Variants in PTPRZ1 observed in about 807,000 individuals in gnomAD.
The protein encoded by PTPRZ1 is protein tyrosine phosphatase receptor type Z1.
A neutral mutation model predicts 214.1 loss-of-function variants in PTPRZ1; 82 were observed. That is an observed-to-expected ratio of 0.38 (90% CI 0.32 to 0.46). The LOEUF is 0.46. Ranked by LOEUF, PTPRZ1 falls within the 20% of genes least tolerant of loss-of-function variation. The pLI, the probability that PTPRZ1 is intolerant of heterozygous loss-of-function variation, is 1.00. For missense variants in PTPRZ1, 2,603 were observed against 2,748.7 expected, an observed-to-expected ratio of 0.95 and a Z score of 1.19; for synonymous variants, 945 against 987.9, an observed-to-expected ratio of 0.96 and a Z score of 0.81.
intron 8 of PTPRZ1, among the ~76,000 whole-genome samples, chr7:121,989,292 G>T (rs539433863): frequency 1.8e-3 from 279 of 151,808 alleles, no homozygotes; most frequent in Non-Finnish European, 3.2e-3. Context: ...ACTAGGACTT[G>T]CTGTTTCCAT....
At chr7:121,960,378 A>G (rs1796838729) in intron 2 of PTPRZ1, among the ~76,000 whole-genome samples, 1 of 152,332 alleles carries the variant, frequency 6.6e-6, no homozygotes, top group East Asian at 1.9e-4. Flanking sequence ...AACCTGGACT[A>G]CACAAGAAAT....
Position 122,013,583 on chromosome 7 carries a change from C to G in PTPRZ1, c.4537C>G (p.Gln1513Glu), listed in dbSNP as rs1428210958. 1.9e-6 allele frequency: 3 copies of G among 1,614,132 alleles called. No homozygotes were observed. Reference sequence around the variant, plus strand: ...ATCACCATCAGCAAATGGGCTATCCCAAAAGCACAATGATGGAAAAGAGGA... The same window carrying G: ...ATCACCATCAGCAAATGGGCTATCCGAAAAGCACAATGATGGAAAAGAGGA... ...GKSPSANGLS[Q>E]KHNDGKEEND... Residue 1513 changes from glutamine (Q) to glutamate (E), a missense_variant, in exon 12 of 30, where the codon CAA (glutamine) becomes GAA (glutamate). By Grantham distance (29) the Gln-to-Glu change is conservative. Transcript: ENST00000393386.
chr7:122,000,968 G>A (rs1798306123), intron 10 of PTPRZ1, among the ~76,000 whole-genome samples: 1 of 151,872 alleles, frequency 6.6e-6, no homozygotes, highest in Admixed American at 6.6e-5. Context: ...ACAGGCGTGA[G>A]CCACCGCACC....
At chr7:121,884,106 A>AT (rs139476068) in intron 1 of PTPRZ1, among the ~76,000 whole-genome samples, 35,273 of 152,104 alleles carry the variant, frequency 0.23, 4,270 homozygotes, top group East Asian at 0.34. Context: ...AAATATAGAC[A>AT]GTTGTGCTAT....
intron 2 of PTPRZ1, among the ~76,000 whole-genome samples, chr7:121,959,447 C>CA (rs1249385475): frequency 6.6e-6 from 1 of 152,196 alleles, no homozygotes; most frequent in Non-Finnish European, 1.5e-5. Context: ...GCCAAAAACA[C>CA]AAAAAGGCAC....
chr7:121,968,990 C>T (rs907360908), intron 3 of PTPRZ1, among the ~76,000 whole-genome samples: 8 of 152,174 alleles, frequency 5.3e-5, no homozygotes, highest in Admixed American at 5.2e-4. Flanking sequence ...GTGATCCCAG[C>T]ACTTCGGGAG....
In PTPRZ1 at chr7:121,873,503, C is replaced by G; in HGVS notation, c.4C>G (p.Arg2Gly). The G allele has an allele frequency of 6.2e-7, 1 of 1,613,934 alleles. No individual in the cohort carries two copies. Among genetic ancestry groups the G allele is most frequent in the Non-Finnish European group, 8.5e-7 (1 of 1,180,020 alleles). Residue 2 changes from arginine (R) to glycine (G), a missense_variant, in exon 1 of 30, where the codon CGA becomes GGA. By Grantham distance (125) the Arg-to-Gly change is moderately radical (BLOSUM62 -2). Transcript: ENST00000393386. ...AGGGGCCGCAGACCGTCTGGAAATG[C>G]GAATCCTAAAGCGTTTCCTCGCTTG... Reference protein sequence around the residue: MRILKRFLACIQ... With the variant: MGILKRFLACIQ...
intron 13 of PTPRZ1, among the ~76,000 whole-genome samples, chr7:122,023,095 A>C (rs907870424): frequency 1.7e-4 from 26 of 152,322 alleles, no homozygotes; most frequent in African/African-American, 6.0e-4. Flanking sequence ...TCAGTGTAAG[A>C]ACTATAAAAT....
intron 17 of PTPRZ1, among the ~76,000 whole-genome samples, chr7:122,034,743 T>A (rs1799486884): frequency 6.6e-6 from 1 of 152,142 alleles, no homozygotes; most frequent in Non-Finnish European, 1.5e-5. Flanking sequence ...ACCAACCGAA[T>A]TACATTTTCT....
At chr7:122,028,682 G>A (rs775721876) in intron 14 of PTPRZ1, 39 bp downstream of exon 14, 4 of 1,431,594 alleles carry the variant, frequency 2.8e-6, no homozygotes, top group Non-Finnish European at 2.9e-6. Context: ...GCTGGTAGAT[G>A]TTGAACAAAA....
chr7:121,948,218 GGTAA>G (rs1438942994), intron 2 of PTPRZ1, among the ~76,000 whole-genome samples: 2 of 152,032 alleles, frequency 1.3e-5, no homozygotes, highest in South Asian at 2.1e-4. Flanking sequence ...TAACAGAACA[GGTAA>G]GTAAGTACCT....
chr7:121,959,017 G>A (rs1270297717), intron 2 of PTPRZ1, among the ~76,000 whole-genome samples: 3 of 152,178 alleles, frequency 2.0e-5, no homozygotes, highest in Admixed American at 1.3e-4. Context: ...TAGAGGCGGG[G>A]TTTCACCATG....
intron 13 of PTPRZ1, among the ~76,000 whole-genome samples, chr7:122,026,740 C>T (rs1799216592): frequency 6.6e-6 from 1 of 152,198 alleles, no homozygotes; most frequent in Admixed American, 6.6e-5. Context: ...GTGTGATTAT[C>T]AAAGGCTTAT....
intron 2 of PTPRZ1, among the ~76,000 whole-genome samples, chr7:121,947,261 A>T (rs1796411665): frequency 6.6e-6 from 1 of 152,104 alleles, no homozygotes. Context: ...AAATTATAAA[A>T]AAAAAAAAGA....
intron 27 of PTPRZ1, among the ~76,000 whole-genome samples, chr7:122,056,870 C>T (rs1437363261): frequency 2.0e-5 from 3 of 151,790 alleles, no homozygotes; most frequent in Non-Finnish European, 2.9e-5. Context: ...TTCCTTCACA[C>T]GCGTGCTGCT....
At chr7:121,935,490 G>A (rs1265467283) in intron 2 of PTPRZ1, among the ~76,000 whole-genome samples, 1 of 151,748 alleles carries the variant, frequency 6.6e-6, no homozygotes, top group African/African-American at 2.4e-5. Context: ...CAATCTCTGT[G>A]GTTTTTGTTT....
At chr7:121,909,413 G>A (rs1231749631) in intron 1 of PTPRZ1, among the ~76,000 whole-genome samples, 4 of 152,078 alleles carry the variant, frequency 2.6e-5, no homozygotes, top group Admixed American at 2.6e-4. Flanking sequence ...ATTTCGGGGA[G>A]GAAAGTGGAA....
At chr7:121,984,294 G>A (rs1204081776) in intron 8 of PTPRZ1, among the ~76,000 whole-genome samples, 177 bp downstream of exon 8, 1 of 151,964 alleles carries the variant, frequency 6.6e-6, no homozygotes, top group Non-Finnish European at 1.5e-5. Context: ...TCTATAAAAT[G>A]GCAACTAAAA....
chr7:121,910,486 C>CTATA (rs112786379), intron 1 of PTPRZ1, among the ~76,000 whole-genome samples: 6 of 151,100 alleles, frequency 4.0e-5, no homozygotes, highest in African/African-American at 9.7e-5. Context: ...TCTCAAGTGC[C>CTATA]TATATATATA....
Sources: allele counts gnomAD v4.1 joint callset (sites outside exome capture counted in the v4.1 genomes callset), GRCh38; gene constraint gnomAD v4.1.1; transcripts MANE v1.5; gene names NCBI Gene and HGNC (gene_info 2026-07-23, HGNC 2026-07-21).